AUH: variants seen among roughly 807,000 people sequenced by gnomAD.
AUH encodes AU RNA binding methylglutaconyl-CoA hydratase.
AUH carries 29 observed loss-of-function variants against 42.3 expected under a neutral mutation model. The observed-to-expected ratio is 0.69, with a 90% CI of 0.51 to 0.93. The LOEUF (loss-of-function observed/expected upper bound fraction) is 0.93. AUH is among the 40% of genes least tolerant of loss of function. The probability of loss-of-function intolerance (pLI) is 0.00; values close to 1 mark genes in which losing one functional copy is unlikely to be tolerated. For synonymous variants in AUH, 174 were observed against 166.4 expected (o/e 1.05, Z -0.35); for missense variants, 452 against 438.1 (o/e 1.03, Z -0.28).
At chr9:91,265,642 G>A (rs1043294388) in intron 6 of AUH, among the ~76,000 whole-genome samples, 1 of 152,134 alleles carries the variant, frequency 6.6e-6, no homozygotes, top group Non-Finnish European at 1.5e-5. Flanking sequence ...TACTTGATAT[G>A]AACAGAAAAC....
At chr9:91,299,028 G>C (rs1003390662) in intron 4 of AUH, among the ~76,000 whole-genome samples, 3 of 152,116 alleles carry the variant, frequency 2.0e-5, no homozygotes, top group Non-Finnish European at 4.4e-5. Context: ...AGACCAGCCT[G>C]GCCAACATGG....
At chr9:91,260,633 A>T (rs898031566) in intron 6 of AUH, among the ~76,000 whole-genome samples, 1 of 152,208 alleles carries the variant, frequency 6.6e-6, no homozygotes, top group Non-Finnish European at 1.5e-5. Flanking sequence ...TTAATTCATT[A>T]TGTACAATAG....
chr9:91,295,931 T>C, intron 6 of AUH, 90 bp downstream of exon 6: 1 of 1,428,846 alleles, frequency 7.0e-7, no homozygotes. Flanking sequence ...TTACGCAAAA[T>C]GTTGCCTTTC....
chr9:91,329,028 CTTT>C (rs749149990), intron 3 of AUH, among the ~76,000 whole-genome samples: 9 of 152,088 alleles, frequency 5.9e-5, no homozygotes, highest in African/African-American at 2.2e-4. Flanking sequence ...AATATGTGGT[CTTT>C]TTTTGTCTGT....
At chr9:91,293,463 C>T (rs1381523063) in intron 6 of AUH, among the ~76,000 whole-genome samples, 1 of 152,112 alleles carries the variant, frequency 6.6e-6, no homozygotes, top group African/African-American at 2.4e-5. Flanking sequence ...TTTAGTGGTC[C>T]GTAAAGAAGA....
At chr9:91,272,518 A>T (rs1041523700) in intron 6 of AUH, among the ~76,000 whole-genome samples, 1 of 151,654 alleles carries the variant, frequency 6.6e-6, no homozygotes, top group Non-Finnish European at 1.5e-5. Flanking sequence ...AAATGGGAGC[A>T]GTGCCCAGCA....
chr9:91,281,066 GAA>G (rs971529410), intron 6 of AUH, among the ~76,000 whole-genome samples: 4 of 152,016 alleles, frequency 2.6e-5, no homozygotes, highest in Admixed American at 1.3e-4. Context: ...ACCAAATTAG[GAA>G]AGTTTTCAAC....
At chr9:91,251,646 G>A (rs748156625) in intron 6 of AUH, among the ~76,000 whole-genome samples, 1 of 152,208 alleles carries the variant, frequency 6.6e-6, no homozygotes, top group Non-Finnish European at 1.5e-5. Context: ...CCAGGATAGA[G>A]TAAACTTTCC....
At chr9:91,314,716 G>T (rs1015751886) in intron 4 of AUH, among the ~76,000 whole-genome samples, 1 of 151,764 alleles carries the variant, frequency 6.6e-6, no homozygotes, top group Non-Finnish European at 1.5e-5. Context: ...CTCAATAGCC[G>T]CCATTAGGCT....
intron 6 of AUH, among the ~76,000 whole-genome samples, chr9:91,235,203 T>A (rs1367547986): frequency 6.6e-6 from 1 of 152,074 alleles, no homozygotes; most frequent in Non-Finnish European, 1.5e-5. Context: ...GGAGAAGAGA[T>A]GATAGGGGCA....
chr9:91,357,880 C>T (rs564044961), intron 1 of AUH, among the ~76,000 whole-genome samples: 1 of 152,298 alleles, frequency 6.6e-6, no homozygotes, highest in South Asian at 2.1e-4. Context: ...TACAGACCTT[C>T]TAAAAAGTCT....
chr9:91,223,774 C>T (rs1355269587), intron 6 of AUH, among the ~76,000 whole-genome samples: 6 of 152,112 alleles, frequency 3.9e-5, no homozygotes, highest in African/African-American at 7.2e-5. Flanking sequence ...TGTGCAGTAG[C>T]ATTTTGAAAC....
intron 4 of AUH, among the ~76,000 whole-genome samples, chr9:91,307,871 A>G (rs2131732078): frequency 6.6e-6 from 1 of 152,308 alleles, no homozygotes; most frequent in Non-Finnish European, 1.5e-5. Flanking sequence ...CATAAAGAAA[A>G]CACTAAGAAA....
chr9:91,349,465 A>G (rs1831780997), intron 3 of AUH, among the ~76,000 whole-genome samples: 1 of 152,250 alleles, frequency 6.6e-6, no homozygotes, highest in African/African-American at 2.4e-5. Context: ...GCACTTTGTT[A>G]CTTTGAATTA....
chr9:91,303,276 C>T (rs1318363914), intron 4 of AUH, among the ~76,000 whole-genome samples: 1 of 152,048 alleles, frequency 6.6e-6, no homozygotes, highest in Non-Finnish European at 1.5e-5. Flanking sequence ...TTATTTGATG[C>T]TTCTAGAAAA....
At chr9:91,349,753 G>T (rs1274619042) in intron 3 of AUH, among the ~76,000 whole-genome samples, 2 of 152,002 alleles carry the variant, frequency 1.3e-5, no homozygotes. Flanking sequence ...AACTAAAAGT[G>T]ATTAAACAGT....
At chr9:91,309,933 G>GACTTTTTTTTATCTC in intron 4 of AUH, among the ~76,000 whole-genome samples, 1 of 147,800 alleles carries the variant, frequency 6.8e-6, no homozygotes, top group African/African-American at 2.6e-5. Flanking sequence ...ACAGTCCTCA[G>GACTTTTTTTTATCTC]ACTTTTTTTT....
intron 6 of AUH, among the ~76,000 whole-genome samples, chr9:91,247,523 C>A (rs1040542064): frequency 3.3e-5 from 5 of 152,172 alleles, no homozygotes; most frequent in African/African-American, 1.2e-4. Flanking sequence ...ACATGGGGCT[C>A]TGGCACAAGG....
chr9:91,332,834 G>A (rs937020048), intron 3 of AUH, among the ~76,000 whole-genome samples: 4 of 152,214 alleles, frequency 2.6e-5, no homozygotes, highest in African/African-American at 7.2e-5. Context: ...ATGGGGGCGT[G>A]AGCATGGCCC....
Sources: allele counts gnomAD v4.1 joint callset (sites outside exome capture counted in the v4.1 genomes callset), GRCh38; gene constraint gnomAD v4.1.1; transcripts MANE v1.5; gene names NCBI Gene and HGNC (gene_info 2026-07-23, HGNC 2026-07-21).